The following DKK3 variants were observed in gnomAD, a reference collection of about 807,000 sequenced individuals.
DKK3 encodes dickkopf-related protein 3.
Under a neutral mutation model 33.2 loss-of-function variants are expected in DKK3, and 22 were observed. The observed-to-expected ratio is 0.66, with a 90% CI of 0.47 to 0.95. The LOEUF (loss-of-function observed/expected upper bound fraction) is 0.95. Ranked by LOEUF, DKK3 falls within the 40% of genes least tolerant of loss-of-function variation. DKK3 has a pLI of 0.00. For synonymous variants in DKK3, 194 were observed against 188.8 expected (o/e 1.03, Z -0.23); for missense variants, 398 against 458.4 (o/e 0.87, Z 1.20).
At chr11:11,985,572 A>C (rs1227649055) in intron 3 of DKK3, among the ~76,000 whole-genome samples, 1 of 152,218 alleles carries the variant, frequency 6.6e-6, no homozygotes, top group Non-Finnish European at 1.5e-5. Context: ...TGTTCAGTGC[A>C]CTAGAAGGAG....
Position 12,008,434 on chromosome 11 carries a change from A to T in DKK3, c.149T>A (p.Met50Lys). 6.2e-7 allele frequency: 1 copy of T among 1,611,422 alleles called. No homozygotes were observed. Among genetic ancestry groups the T allele is most frequent in the Non-Finnish European group, 8.5e-7 (1 of 1,179,588 alleles). Reference sequence around the variant, plus strand: ...CATCAGTTCCTCAACCTCGCGGAACATCTCATTGAGGGTGGCCTCCTCCTG... The same window carrying T: ...CATCAGTTCCTCAACCTCGCGGAACTTCTCATTGAGGGTGGCCTCCTCCTG... ...YPQEEATLNEMFREVEELMED... is the reference protein window; with the variant it reads ...YPQEEATLNEKFREVEELMED... Residue 50 changes from methionine (M) to lysine (K), a missense_variant, in exon 1 of 7, where the codon ATG (methionine) becomes AAG (lysine). By Grantham distance (95) the Met-to-Lys change is moderately conservative. Transcript: ENST00000683431. The surrounding 1 kb of genome is among the most constrained non-coding windows in gnomAD (Gnocchi z 4.6).
chr11:11,978,952 G>A (rs1847897233), intron 3 of DKK3: 1 of 152,226 alleles, frequency 6.6e-6, no homozygotes, highest in Non-Finnish European at 1.5e-5. Flanking sequence ...TGCTGGAGCT[G>A]GGATGTGAAG....
chr11:11,998,679 G>T lies in DKK3; in HGVS notation c.435+17C>A. On this transcript the variant is annotated intron_variant, in intron 3 of 6. Coordinates refer to ENST00000683431, the MANE Select transcript of DKK3 (RefSeq NM_001018057.2). Reference sequence around the variant, plus strand: ...TGAGTGTGTCGGGGTGCAAGTACAGGGGAAATGACAACTTACGTGGCTCCT... The same window carrying T: ...TGAGTGTGTCGGGGTGCAAGTACAGTGGAAATGACAACTTACGTGGCTCCT... 1 of 1,609,184 alleles carries T rather than the reference G, an allele frequency of 6.2e-7. No individual in the cohort carries two copies. The highest frequency in any genetic ancestry group is 8.5e-7 in the Non-Finnish European group (1 of 1,175,530).
intron 5 of DKK3, 96 bp downstream of exon 5, chr11:11,966,858 C>T (rs145163569): frequency 5.7e-5 from 87 of 1,538,336 alleles, no homozygotes; most frequent in African/African-American, 1.4e-4. Context: ...AGGTGGGACG[C>T]GAAACCATGT....
chr11:12,002,315 G>A lies in DKK3; in HGVS notation c.336C>T (p.His112=), dbSNP rs779467270. The A allele has an allele frequency of 1.2e-6, 2 of 1,613,664 alleles. No individual in the cohort carries two copies. The highest frequency in any genetic ancestry group is 1.7e-6 in the Non-Finnish European group (2 of 1,179,716). ...CATGACTTACCTTGTGAATTTCTCG[G>A]TGCACATGGATGGTATTATTTCCAA... is the stretch of plus-strand genomic sequence containing the variant. ...TKVGNNTIHV[H]REIHKITNNQ... is the part of the protein sequence containing the mutation. The change falls in exon 2 of 7, where the codon CAC becomes CAT. Residue 112 remains histidine, a synonymous_variant. Coordinates refer to ENST00000683431, the MANE Select transcript of DKK3 (RefSeq NM_001018057.2).
upstream of DKK3, chr11:12,008,920 T>C (rs891447803): frequency 5.7e-6 from 6 of 1,058,140 alleles, no homozygotes; most frequent in Admixed American, 1.1e-4. This position sits in a 1 kb window ranked among gnomAD's most constrained non-coding sequence, Gnocchi z 4.6. Context: ...TCCTCTACGC[T>C]AATAGCTCCC....
intron 3 of DKK3, among the ~76,000 whole-genome samples, chr11:11,972,780 G>A (rs1436545117): frequency 6.6e-6 from 1 of 152,210 alleles, no homozygotes; most frequent in Non-Finnish European, 1.5e-5. Flanking sequence ...CCACATTTGA[G>A]CCAAGGTGTT....
intron 3 of DKK3, among the ~76,000 whole-genome samples, chr11:11,992,388 T>C (rs537188920): frequency 1.6e-4 from 25 of 152,206 alleles, no homozygotes; most frequent in Non-Finnish European, 3.5e-4. Context: ...CCCGAGCTGT[T>C]AACCACCCCC....
intron 3 of DKK3, among the ~76,000 whole-genome samples, chr11:11,974,503 G>C (rs1413920463): frequency 6.6e-6 from 1 of 152,166 alleles, no homozygotes; most frequent in East Asian, 1.9e-4. Flanking sequence ...AAGTGAAAGG[G>C]CCACAAGAAA....
intron 1 of DKK3, among the ~76,000 whole-genome samples, chr11:12,006,900 T>C (rs1426140054): frequency 2.0e-5 from 3 of 152,222 alleles, no homozygotes; most frequent in Non-Finnish European, 4.4e-5. Flanking sequence ...GGAAAGCAGA[T>C]GGCCTGCCCT....
At chr11:11,985,734 G>A (rs930258850) in intron 3 of DKK3, among the ~76,000 whole-genome samples, 12 of 152,316 alleles carry the variant, frequency 7.9e-5, no homozygotes, top group Admixed American at 7.8e-4. Context: ...GGTGGGTTTG[G>A]TAAGAGTGAA....
In DKK3 at chr11:11,965,745, G is replaced by A. The variant is rs79956160; in HGVS notation, c.830+64C>T. On this transcript the variant is annotated intron_variant, in intron 6 of 6. Transcript: ENST00000683431. ...AGGGAAAACCTGCTCCTGCTCCTAC[G>A]CCCCTGCTGGATGGCACCTCCTCAG... The A allele has an allele frequency of 2.6e-3, 4,125 of 1,566,300 alleles. 95 individuals are homozygous for A. The African/African-American group carries it at 0.049, about 18-fold the overall frequency.
intron 3 of DKK3, among the ~76,000 whole-genome samples, chr11:11,980,954 C>T (rs1275779290): frequency 6.6e-6 from 1 of 152,150 alleles, no homozygotes; most frequent in Non-Finnish European, 1.5e-5. Context: ...GCCCCCAAGA[C>T]CTGCACTGAA....
At chr11:12,009,460 C>T, upstream of DKK3, 2 of 931,842 alleles carry the variant, frequency 2.1e-6, no homozygotes, top group Non-Finnish European at 1.3e-6. Flanking sequence ...CGCCGGCCAC[C>T]TCACGCCCCA....
chr11:12,006,941 T>C (rs143492874), intron 1 of DKK3, among the ~76,000 whole-genome samples: 1 of 152,294 alleles, frequency 6.6e-6, no homozygotes, highest in East Asian at 1.9e-4. Context: ...CTCCACTTAA[T>C]TTGAAGCTTC....
intron 3 of DKK3, among the ~76,000 whole-genome samples, chr11:11,971,033 T>G (rs1429231905): frequency 6.6e-6 from 1 of 151,846 alleles, no homozygotes; most frequent in Non-Finnish European, 1.5e-5. Context: ...TTGAAGATTT[T>G]TTTTTTTTTT....
Position 12,008,550 on chromosome 11 carries a change from C to T in DKK3, c.33G>A (p.Leu11=). ...CCGTGGGGACCGCCGCCGCCAGCAG[C>T]AGGCACAGCAGGGTGGCCCCAAGCC... is the stretch of plus-strand genomic sequence containing the variant. MQRLGATLLC[L]LLAAAVPTAP... The change falls in exon 1 of 7, where the codon CTG becomes CTA. Residue 11 remains leucine (L), a synonymous_variant. Coordinates refer to ENST00000683431, the MANE Select transcript of DKK3 (RefSeq NM_001018057.2). This position sits in a 1 kb window ranked among gnomAD's most constrained non-coding sequence, Gnocchi z 4.6. The T allele has an allele frequency of 6.5e-7, 1 of 1,534,496 alleles. No individual in the cohort carries two copies. The highest frequency in any genetic ancestry group is 8.7e-7 in the Non-Finnish European group (1 of 1,147,264).
At chr11:11,975,348 G>A (rs1847810924) in intron 3 of DKK3, among the ~76,000 whole-genome samples, 1 of 152,206 alleles carries the variant, frequency 6.6e-6, no homozygotes, top group South Asian at 2.1e-4. Context: ...ACAGGGACCA[G>A]AACAGCGTCT....
chr11:11,967,175 C>A, intron 4 of DKK3, 77 bp from the exon 5 acceptor site: 1 of 1,532,750 alleles, frequency 6.5e-7, no homozygotes, highest in East Asian at 2.3e-5. Flanking sequence ...CTGAAGATAC[C>A]ACAGATAGGC....
Sources: allele counts gnomAD v4.1 joint callset (sites outside exome capture counted in the v4.1 genomes callset), GRCh38; gene constraint gnomAD v4.1.1; non-coding constraint Gnocchi (gnomAD v3.1); transcripts MANE v1.5; gene names NCBI Gene and HGNC (gene_info 2026-07-23, HGNC 2026-07-21).